ORC6: variants seen among roughly 807,000 people sequenced by gnomAD.
The protein encoded by ORC6 is origin recognition complex, subunit 6 homolog-like (yeast).
Under a neutral mutation model 30.0 loss-of-function variants are expected in ORC6, and 31 were observed. The observed-to-expected ratio is 1.03, with a 90% CI of 0.78 to 1.40. ORC6 has a LOEUF of 1.40. Ranked by LOEUF, ORC6 falls within the 40% of genes most tolerant of loss-of-function variation. The pLI is 0.00. For missense variants in ORC6, 340 were observed against 304.3 expected (o/e 1.12, Z -0.87); for synonymous variants, 136 against 111.2 (o/e 1.22, Z -1.40).
intron 1 of ORC6, 119 bp downstream of exon 1, chr16:46,689,889 C>T: frequency 2.1e-6 from 3 of 1,419,668 alleles, no homozygotes; most frequent in Non-Finnish European, 2.8e-6. Context: ...AGCGCTGGGG[C>T]CGGGCGGGGT....
In ORC6 at chr16:46,697,676, T is replaced by C. The variant is rs775155231; in HGVS notation, c.*91T>C. 7 of 1,367,094 alleles carry C rather than the reference T, an allele frequency of 5.1e-6. No individual in the cohort carries two copies. Among genetic ancestry groups the C allele is most frequent in the Non-Finnish European group, 7.3e-6 (7 of 957,570 alleles). The allele number at this position is 1,367,094 out of a possible 1,614,324, so 84.7% of individuals were successfully genotyped here. ...CGGCTTTGGGATTTTGTTTAAACTT[T>C]TATAATAAGGATCCTAAGACTGTTG... On this transcript the variant is annotated 3_prime_UTR_variant, in exon 7 of 7. Coordinates refer to ENST00000219097, the MANE Select transcript of ORC6 (RefSeq NM_014321.4).
chr16:46,696,595 A>G lies in ORC6; in HGVS notation c.631+510A>G, dbSNP rs146444021. On this transcript the variant is annotated intron_variant, in intron 6 of 6. Coordinates refer to ENST00000219097, the MANE Select transcript of ORC6 (RefSeq NM_014321.4). ...AGGCAAATGGCTGCATTATTGTTTT[A>G]ATACCACCTACTGGCTATGTGATTT... Among the ~76,000 whole-genome samples the G allele has an allele frequency of 1.2e-3, 181 of 152,332 alleles. 2 individuals are homozygous for G. Among genetic ancestry groups the G allele is most frequent in the African/African-American group, 4.1e-3 (171 of 41,578 alleles).
chr16:46,695,687 T>C lies in ORC6; in HGVS notation c.562+13T>C, dbSNP rs1056787164. The C allele has an allele frequency of 6.7e-7, 1 of 1,487,746 alleles. No individual in the cohort carries two copies. Among genetic ancestry groups the C allele is most frequent in the African/African-American group, 1.4e-5 (1 of 72,426 alleles). The allele number at this position is 1,487,746 out of a possible 1,614,324, so 92.2% of individuals were successfully genotyped here. ...CAGCAGGTCGACAGTAAGTATTCTG[T>C]AGTTCAAGAATGCGTCATTTGAAAA... On this transcript the variant is annotated intron_variant, in intron 5 of 6. Transcript: ENST00000219097.
intron 4 of ORC6, chr16:46,693,579 T>C (rs1966475094): frequency 3.4e-6 from 1 of 290,434 alleles, no homozygotes; most frequent in South Asian, 3.3e-5. Context: ...GCAGGAGGAC[T>C]GCTTGAGGCA....
intron 3 of ORC6, 106 bp downstream of exon 3, chr16:46,692,651 T>G (rs566709418): frequency 2.1e-6 from 2 of 953,458 alleles, no homozygotes; most frequent in Non-Finnish European, 3.3e-6. Context: ...GGGTGGATCA[T>G]GTGGTCAGGA....
rs143555249 is a variant in ORC6 at position 46,691,096 on chromosome 16, C to G, written c.171C>G (p.Ser57=). 3 of 1,614,070 alleles carry G rather than the reference C, an allele frequency of 1.9e-6. No homozygotes were observed. The African/African-American group carries it at 4.0e-5, about 22-fold the overall frequency. ...TCATGTGCCTGGACCTTGCAGCTTC[C>G]TGGATGAAGTGCCCCTTGGACAGGG... is the stretch of plus-strand genomic sequence containing the variant. ...SAVMCLDLAA[S]WMKCPLDRAY... Residue 57 remains serine, a synonymous_variant, in exon 2 of 7, where the codon TCC becomes TCG. Coordinates refer to ENST00000219097, the MANE Select transcript of ORC6 (RefSeq NM_014321.4).
Position 46,696,006 on chromosome 16 carries a change from A to T in ORC6, c.563-11A>T. The T allele has an allele frequency of 6.2e-7, 1 of 1,603,994 alleles. No individual in the cohort carries two copies. On this transcript the variant is annotated splice_polypyrimidine_tract_variant and intron_variant, in intron 5 of 6. Transcript: ENST00000219097. ...CAGGAGAAAAATTAACCTTGATAAC[A>T]CTTCTTAAAGGAGAACCTGGAGATG...
At chr16:46,691,983 C>CTCTCTCTCTCTCTCTCTCTCTCTCT (rs1357880671) in intron 2 of ORC6, among the ~76,000 whole-genome samples, 3 of 148,688 alleles carry the variant, frequency 2.0e-5, no homozygotes, top group Non-Finnish European at 3.0e-5. Context: ...CTCTCTCTCA[C>CTCTCTCTCTCTCTCTCTCTCTCTCT]CACCCCGCCC....
At position 46,697,806 on chromosome 16, in the gene ORC6, T is replaced by C. The variant is rs755393332; in HGVS notation, c.*221T>C. ...ACAGTGCCTGATTGGTATAGCCTTA[T>C]GTGCTTTCCTACAAAATGGAATTGG... On this transcript the variant is annotated 3_prime_UTR_variant, in exon 7 of 7. Transcript: ENST00000219097. The C allele has an allele frequency of 1.7e-5, 11 of 640,734 alleles. No homozygotes were observed. Among genetic ancestry groups the C allele is most frequent in the East Asian group, 6.3e-5 (2 of 31,502 alleles). The allele number at this position is 640,734 out of a possible 1,614,324, so 39.7% of individuals were successfully genotyped here.
chr16:46,695,379 ACT>A (rs1453023394), intron 4 of ORC6, 181 bp from the exon 5 acceptor site: 2 of 599,462 alleles, frequency 3.3e-6, no homozygotes, highest in Admixed American at 3.0e-5. Context: ...GTGCATTTTA[ACT>A]CTCAGTCCAA....
Position 46,692,390 on chromosome 16 carries a change from A to T in ORC6, c.204A>T (p.Leu68Phe). 6.2e-7 allele frequency: 1 copy of T among 1,613,160 alleles called. No individual in the cohort carries two copies. The highest frequency in any genetic ancestry group is 8.5e-7 in the Non-Finnish European group (1 of 1,179,248). Residue 68 changes from leucine (L) to phenylalanine (F), a missense_variant, in exon 3 of 7, where the codon TTA becomes TTT. By Grantham distance (22) the Leu-to-Phe change is conservative. Coordinates refer to ENST00000219097, the MANE Select transcript of ORC6 (RefSeq NM_014321.4). The stretch of plus-strand genomic sequence containing the variant: ...TGTTTTTCCTTTCACAGGCTTATTT[A>T]ATTAAACTTTCTGGTTTGAACAAGG... The part of the protein sequence containing the change: ...WMKCPLDRAY[L>F]IKLSGLNKET...
At chr16:46,693,442 T>TACAAAA in intron 4 of ORC6, 1 of 537,682 alleles carries the variant, frequency 1.9e-6, no homozygotes, top group Non-Finnish European at 3.3e-6. Flanking sequence ...GTCTGCCTTT[T>TACAAAA]GTAAGAGATG....
intron 3 of ORC6, 35 bp downstream of exon 3, chr16:46,692,580 T>A: frequency 6.3e-7 from 1 of 1,589,356 alleles, no homozygotes. Flanking sequence ...TGAAAATGTA[T>A]ACCAATAGGC....
At position 46,689,764 on chromosome 16, in the gene ORC6, T is replaced by A. The variant is rs1966404851; in HGVS notation, c.59T>A (p.Met20Lys). The A allele has an allele frequency of 1.3e-6, 2 of 1,596,590 alleles. No homozygotes were observed. The highest frequency in any genetic ancestry group is 1.7e-6 in the Non-Finnish European group (2 of 1,172,512). Reference sequence around the variant, plus strand: ...CGCCTGGGCCTCGCCGAGCCCGACATGCTGAGGTGAGTTCGGCCGCGCAAG... The same window carrying A: ...CGCCTGGGCCTCGCCGAGCCCGACAAGCTGAGGTGAGTTCGGCCGCGCAAG... ...APRLGLAEPDMLRKAEEYLRL... is the reference protein window; with the variant it reads ...APRLGLAEPDKLRKAEEYLRL... The change falls in exon 1 of 7, where the codon ATG becomes AAG. Residue 20 changes from methionine (M) to lysine (K), a missense_variant. Coordinates refer to ENST00000219097, the MANE Select transcript of ORC6 (RefSeq NM_014321.4).
Position 46,689,756 on chromosome 16 carries a change from G to T in ORC6, c.51G>T (p.Glu17Asp), listed in dbSNP as rs1039169882. The change falls in exon 1 of 7, where the codon GAG (glutamate) becomes GAT (aspartate). Residue 17 changes from glutamate (E) to aspartate (D), a missense_variant. Coordinates refer to ENST00000219097, the MANE Select transcript of ORC6 (RefSeq NM_014321.4). ...GRLAPRLGLA[E>D]PDMLRKAEEY... Reference sequence around the variant, plus strand: ...TAGCCCCGCGCCTGGGCCTCGCCGAGCCCGACATGCTGAGGTGAGTTCGGC... The same window carrying T: ...TAGCCCCGCGCCTGGGCCTCGCCGATCCCGACATGCTGAGGTGAGTTCGGC... 9.4e-6 allele frequency: 15 copies of T among 1,597,762 alleles called. No homozygotes were observed. The highest frequency in any genetic ancestry group is 1.2e-5 in the Non-Finnish European group (14 of 1,173,014).
chr16:46,695,222 T>G lies in ORC6; in HGVS notation c.450-340T>G, dbSNP rs576913255. The G allele has an allele frequency of 3.2e-5, 9 of 281,914 alleles. No homozygotes were observed. The East Asian group carries it at 9.0e-4, about 28-fold the overall frequency. The allele number at this position is 281,914 out of a possible 1,614,324, so 17.5% of individuals were successfully genotyped here. ...TTGTTACATTCCTGTAATATAAATA[T>G]CCTGTGAGTTAAAATGAGTGGAACA... On this transcript the variant is annotated intron_variant, in intron 4 of 6. Coordinates refer to ENST00000219097, the MANE Select transcript of ORC6 (RefSeq NM_014321.4).
intron 4 of ORC6, chr16:46,694,559 C>G (rs1966496499): frequency 7.1e-6 from 1 of 141,400 alleles, no homozygotes; most frequent in South Asian, 2.4e-4. Flanking sequence ...CCACCTCCCT[C>G]CCGGACGGGG....
rs1370552338 is a variant in ORC6 at position 46,697,576 on chromosome 16, A to G, written c.750A>G (p.Thr250=). The G allele has an allele frequency of 4.3e-6, 7 of 1,614,066 alleles. No homozygotes were observed. The African/African-American group carries it at 6.7e-5, about 15-fold the overall frequency. The change falls in exon 7 of 7, where the codon ACA becomes ACG. Residue 250 remains threonine, a synonymous_variant. Coordinates refer to ENST00000219097, the MANE Select transcript of ORC6 (RefSeq NM_014321.4). Reference sequence around the variant, plus strand: ...ATGCTGCCAGTGCTCAAAAGGCTACAGCAGAGTGATTTCAGCTTCCAAACT... The same window carrying G: ...ATGCTGCCAGTGCTCAAAAGGCTACGGCAGAGTGATTTCAGCTTCCAAACT... The part of the protein sequence containing the change: ...LENAASAQKA[T]AE
At chr16:46,696,903 C>G (rs1567275523) in intron 6 of ORC6, among the ~76,000 whole-genome samples, 1 of 152,178 alleles carries the variant, frequency 6.6e-6, no homozygotes, top group African/African-American at 2.4e-5. Context: ...TGACCCGCCC[C>G]CTTCACCTCC....
Sources: gnomAD v4.1 joint callset for allele counts (sites outside exome capture counted in the v4.1 genomes callset) on GRCh38, gnomAD v4.1.1 for gene constraint, MANE v1.5 for transcripts, NCBI Gene and HGNC (gene_info 2026-07-23, HGNC 2026-07-21) for gene names.